Variants in KMT2A observed in about 807,000 individuals in gnomAD.
KMT2A encodes the protein histone-lysine N-methyltransferase 2A.
A neutral mutation model predicts 345.3 loss-of-function variants in KMT2A; 16 were observed. The observed-to-expected ratio is 0.05, with a 90% CI of 0.03 to 0.07. The LOEUF is 0.07. Among genes scored for constraint, KMT2A ranks in the 10% least tolerant of loss-of-function variants. The probability of loss-of-function intolerance (pLI) is 1.00; values close to 1 mark genes in which losing one functional copy is unlikely to be tolerated. For missense variants in KMT2A, 3,272 were observed against 4,841.6 expected (o/e 0.68, Z 9.62); for synonymous variants, 1,599 against 1,778.6 (o/e 0.90, Z 2.54).
chr11:118,447,782 A>G (rs562352863), intron 1 of KMT2A: 8 of 277,454 alleles, frequency 2.9e-5, no homozygotes, highest in Middle Eastern at 4.3e-4. Flanking sequence ...GAATGGATCC[A>G]TTATTAGGAA....
intron 1 of KMT2A, among the ~76,000 whole-genome samples, chr11:118,437,759 C>T (rs1949225642): frequency 2.0e-5 from 3 of 152,042 alleles, no homozygotes; most frequent in Non-Finnish European, 4.4e-5. Context: ...CACCCTTTCC[C>T]TCCTTTAGAA....
At chr11:118,453,494 ACT>A (rs1472103446) in intron 1 of KMT2A, among the ~76,000 whole-genome samples, 2 of 151,620 alleles carry the variant, frequency 1.3e-5, no homozygotes, top group Admixed American at 1.3e-4. Flanking sequence ...CCTCTGCTTA[ACT>A]CTCCTGAATA....
chr11:118,445,847 A>G lies in KMT2A; in HGVS notation c.432+8903A>G, dbSNP rs182531430. On this transcript the variant is annotated intron_variant, in intron 1 of 35. Coordinates refer to ENST00000534358, the MANE Select transcript of KMT2A (RefSeq NM_001197104.2). ...GTGAAACCCTGTCTCTACTAAAAAT[A>G]CAAAAATTAGCTGGGTGTGGTGGTT... Among the ~76,000 whole-genome samples, 21 of 151,988 alleles carry G rather than the reference A, an allele frequency of 1.4e-4. No homozygotes were observed. In the East Asian group the frequency reaches 3.5e-3, roughly 25 times the overall value.
At chr11:118,507,483 T>C (rs782065233) in intron 27 of KMT2A, 46 bp from the exon 28 acceptor site, 4 of 1,535,220 alleles carry the variant, frequency 2.6e-6, no homozygotes, top group South Asian at 1.1e-5. Flanking sequence ...TCAGTACATA[T>C]TTACTGGTGG....
In KMT2A at chr11:118,504,315, A is replaced by G. The variant is rs782758288; in HGVS notation, c.8423A>G (p.Glu2808Gly). ...TTGGAAGCTCAGCTCAGCTCATTGG[A>G]GTCAAGCCGCAGAGTCCACACAAGT... ...DSLEAQLSSLESSRRVHTSTP... is the reference protein window; with the variant it reads ...DSLEAQLSSLGSSRRVHTSTP... The change falls in exon 27 of 36, where the codon GAG (glutamate) becomes GGG (glycine). Residue 2808 changes from glutamate (E) to glycine (G), a missense_variant. By Grantham distance (98) the Glu-to-Gly change is moderately conservative. Transcript: ENST00000534358. The surrounding 1 kb of genome is among the most constrained non-coding windows in gnomAD (Gnocchi z 6.4). 6.2e-7 allele frequency: 1 copy of G among 1,614,182 alleles called. No homozygotes were observed. The highest frequency in any genetic ancestry group is 8.5e-7 in the Non-Finnish European group (1 of 1,180,030).
chr11:118,524,297 CT>C lies in KMT2A; in HGVS notation c.*2129del. The C allele has an allele frequency of 1.1e-5, 2 of 187,720 alleles. No homozygotes were observed. The highest frequency in any genetic ancestry group is 6.2e-5 in the Admixed American group (1 of 16,124). 11.6% of individuals were successfully genotyped at this position (187,720 alleles called of 1,614,324 possible). A position where few individuals can be genotyped will look rare whatever the true frequency, so the allele number is the denominator to read the frequency against. On this transcript the variant is annotated 3_prime_UTR_variant, in exon 36 of 36. Transcript: ENST00000534358. Reference sequence around the variant, plus strand: ...TAGTCCAAGTAGAGGGTGGGGCACCCTTTTCTCGCCGCAAGAAGCCCATTCC... The same window carrying C: ...TAGTCCAAGTAGAGGGTGGGGCACCCTTTCTCGCCGCAAGAAGCCCATTCC...
chr11:118,500,203 A>G (rs1950477879), intron 24 of KMT2A, among the ~76,000 whole-genome samples: 1 of 152,208 alleles, frequency 6.6e-6, no homozygotes, highest in South Asian at 2.1e-4. Context: ...AATTCCATTC[A>G]TCTCCATGCA....
Position 118,472,049 on chromosome 11 carries a change from T to G in KMT2A, c.890T>G (p.Val297Gly), listed in dbSNP as rs1247435499. The G allele has an allele frequency of 6.2e-7, 1 of 1,613,308 alleles. No homozygotes were observed. Among genetic ancestry groups the G allele is most frequent in the Non-Finnish European group, 8.5e-7 (1 of 1,179,862 alleles). The change falls in exon 3 of 36, where the codon GTA (valine) becomes GGA (glycine). Residue 297 changes from valine (V) to glycine (G), a missense_variant. Transcript: ENST00000534358. ...AAGCTTCAAATAGGAAGGAAGGGGG[T>G]ACAAATTGTACGACGGAGAGGAAGG... ...TGKLQIGRKGVQIVRRRGRPP... is the reference protein window; with the variant it reads ...TGKLQIGRKGGQIVRRRGRPP...
intron 1 of KMT2A, among the ~76,000 whole-genome samples, chr11:118,467,036 T>C (rs1488188496): frequency 6.6e-6 from 1 of 151,884 alleles, no homozygotes; most frequent in Non-Finnish European, 1.5e-5. Context: ...AAAATTACTG[T>C]AGTCTGTGTT....
Position 118,482,075 on chromosome 11 carries a change from C to T in KMT2A, c.3995C>T (p.Pro1332Leu). The T allele has an allele frequency of 6.2e-7, 1 of 1,608,290 alleles. No homozygotes were observed. Residue 1332 changes from proline (P) to leucine (L), a missense_variant, in exon 7 of 36, where the codon CCT (proline) becomes CTT (leucine). Around this residue, in one of 27 missense-constraint regions of KMT2A, gnomAD observed 168 missense variants for 216.0 expected, o/e 0.78. Transcript: ENST00000534358. Reference sequence around the variant, plus strand: ...CCTAGTGAGCCCAAGAAAAAGCAGCCTCCACCACCAGAATCAGGTGAGTGA... The same window carrying T: ...CCTAGTGAGCCCAAGAAAAAGCAGCTTCCACCACCAGAATCAGGTGAGTGA... ...TTPSEPKKKQ[P>L]PPPESGPEQS...
chr11:118,479,751 C>G (rs1950098934), intron 5 of KMT2A, among the ~76,000 whole-genome samples: 2 of 152,044 alleles, frequency 1.3e-5, no homozygotes, highest in African/African-American at 4.8e-5. Context: ...ATCAAAGCCA[C>G]CAGATTTAAT....
In KMT2A at chr11:118,525,076, AG is replaced by A. The variant is rs747397870; in HGVS notation, c.*2906del. 2.8e-5 allele frequency: 6 copies of A among 217,914 alleles called. No individual in the cohort carries two copies. Among genetic ancestry groups the A allele is most frequent in the Non-Finnish European group, 5.6e-5 (6 of 108,090 alleles). 13.5% of individuals were successfully genotyped at this position (217,914 alleles called of 1,614,324 possible). On this transcript the variant is annotated 3_prime_UTR_variant, in exon 36 of 36. Coordinates refer to ENST00000534358, the MANE Select transcript of KMT2A (RefSeq NM_001197104.2). ...GCCAGCAACTTGGGGGAATAAGCGA[AG>A]GTTTCCCTACAAGAGGGAAAGAAGG...
intron 31 of KMT2A, among the ~76,000 whole-genome samples, chr11:118,512,617 T>G (rs1482988965): frequency 1.3e-5 from 2 of 152,230 alleles, no homozygotes; most frequent in African/African-American, 4.8e-5. Flanking sequence ...AGTTATTGTG[T>G]AGACATGTTT....
chr11:118,504,632 G>T lies in KMT2A; in HGVS notation c.8740G>T (p.Val2914Phe). 6.2e-7 allele frequency: 1 copy of T among 1,614,126 alleles called. No individual in the cohort carries two copies. Among genetic ancestry groups the T allele is most frequent in the Non-Finnish European group, 8.5e-7 (1 of 1,179,990 alleles). ...TACAACAGAACCTGTGGATAGTAGT[G>T]TCTCTTCCTCTATCTCAGCAGAGGA... ...LPTTEPVDSS[V>F]SSSISAEEQF... is the part of the protein sequence containing the mutation. The change falls in exon 27 of 36, where the codon GTC becomes TTC. Residue 2914 changes from valine to phenylalanine, a missense_variant. Val to Phe is a conservative substitution (Grantham distance 50, BLOSUM62 -1). Coordinates refer to ENST00000534358, the MANE Select transcript of KMT2A (RefSeq NM_001197104.2). This position sits in a 1 kb window ranked among gnomAD's most constrained non-coding sequence, Gnocchi z 6.4.
rs1555044575 is a variant in KMT2A, at chr11:118,498,111, C to G, written c.5802+38C>G. On this transcript the variant is annotated intron_variant, in intron 21 of 35. Coordinates refer to ENST00000534358, the MANE Select transcript of KMT2A (RefSeq NM_001197104.2). This position sits in a 1 kb window ranked among gnomAD's most constrained non-coding sequence, Gnocchi z 4.4. ...GGGTAAATTTTATGAAAGAGATTCC[C>G]TCTCAGTTTCCAGATATTCTTCCTG... is the stretch of plus-strand genomic sequence containing the variant. 2 of 1,603,846 alleles carry G rather than the reference C, an allele frequency of 1.2e-6. No individual in the cohort carries two copies. Among genetic ancestry groups the G allele is most frequent in the Admixed American group, 1.7e-5 (1 of 59,278 alleles).
Position 118,521,898 on chromosome 11 carries a change from G to T in KMT2A, c.11645G>T (p.Gly3882Val). 6.2e-7 allele frequency: 1 copy of T among 1,611,740 alleles called. No homozygotes were observed. The highest frequency in any genetic ancestry group is 8.5e-7 in the Non-Finnish European group (1 of 1,177,934). ...TTCTCCCTTCTTCTGCATGTGCAGG[G>T]CATTGGTTGCTATATGTTCCGAATT... ...DKREKYYDSK[G>V]IGCYMFRIDD... Residue 3882 changes from glycine (G) to valine (V), a missense_variant and splice_region_variant, in exon 36 of 36, where the codon GGC (glycine) becomes GTC (valine). By Grantham distance (109) the Gly-to-Val change is moderately radical (BLOSUM62 -3). Around this residue, in one of 27 missense-constraint regions of KMT2A, gnomAD observed 78 missense variants for 254.5 expected, o/e 0.31. Transcript: ENST00000534358. The surrounding 1 kb of genome is among the most constrained non-coding windows in gnomAD (Gnocchi z 5.3).
intron 10 of KMT2A, among the ~76,000 whole-genome samples, chr11:118,486,577 G>A (rs560045207): frequency 6.6e-6 from 1 of 151,956 alleles, no homozygotes; most frequent in Admixed American, 6.6e-5. Context: ...TTCAAAGGTG[G>A]TAAAGAAAAT....
At chr11:118,512,622 A>G (rs1322416669) in intron 31 of KMT2A, among the ~76,000 whole-genome samples, 1 of 152,054 alleles carries the variant, frequency 6.6e-6, no homozygotes, top group African/African-American at 2.4e-5. Context: ...TTGTGTAGAC[A>G]TGTTTTTATT....
intron 30 of KMT2A, 185 bp from the exon 31 acceptor site, chr11:118,511,766 C>G (rs1377490241): frequency 3.2e-6 from 2 of 632,260 alleles, no homozygotes; most frequent in Non-Finnish European, 5.6e-6. Flanking sequence ...GGGGAGTGTA[C>G]CTTTTCGGCT....
Sources: gnomAD v4.1 joint callset for allele counts (sites outside exome capture counted in the v4.1 genomes callset) on GRCh38, gnomAD v4.1.1 for gene constraint, gnomAD v4.1.1 regional missense constraint, Gnocchi (gnomAD v3.1) non-coding constraint, MANE v1.5 for transcripts, NCBI Gene and HGNC (gene_info 2026-07-23, HGNC 2026-07-21) for gene names.